Variants in PDCD7 observed in about 807,000 individuals in gnomAD.
The protein encoded by PDCD7 is programmed cell death 7.
A neutral mutation model predicts 42.1 loss-of-function variants in PDCD7; 40 were observed. The ratio of observed to expected loss-of-function variants is 0.95; its 90% CI spans 0.74 to 1.24. The LOEUF is 1.24. PDCD7 is among the 50% of genes most tolerant of loss of function. PDCD7 has a pLI of 0.00. For missense variants in PDCD7, 644 were observed against 662.8 expected (o/e 0.97, Z 0.31); for synonymous variants, 299 against 303.3 (o/e 0.99, Z 0.15).
intron 2 of PDCD7, among the ~76,000 whole-genome samples, chr15:65,125,983 A>G (rs548080830): frequency 6.6e-6 from 1 of 152,218 alleles, no homozygotes; most frequent in South Asian, 2.1e-4. Context: ...TAAATCCATC[A>G]GATCTCATGA....
At chr15:65,132,885 A>G in intron 1 of PDCD7, 27 bp downstream of exon 1, 1 of 1,599,518 alleles carries the variant, frequency 6.3e-7, no homozygotes, top group Non-Finnish European at 8.5e-7. Context: ...CACCACTCCT[A>G]CCCCCATGAG....
rs2087421300 is a variant in PDCD7 at position 65,118,003 on chromosome 15, TAAAAATAAC to T, written c.*705_*713del. 1 of 152,098 alleles carries T rather than the reference TAAAAATAAC, an allele frequency of 6.6e-6. No individual in the cohort carries two copies. Among genetic ancestry groups the T allele is most frequent in the Non-Finnish European group, 1.5e-5 (1 of 68,022 alleles). 9.4% of individuals were successfully genotyped at this position (152,098 alleles called of 1,614,324 possible). A position where few individuals can be genotyped will look rare whatever the true frequency, so the allele number is the denominator to read the frequency against. ...CTGAACAACTAGACCCTTAGAAACT[TAAAAATAAC>T]AGGTGCTTTCATTAGGATCCTTCTA... On this transcript the variant is annotated 3_prime_UTR_variant, in exon 5 of 5. Coordinates refer to ENST00000204549, the MANE Select transcript of PDCD7 (RefSeq NM_005707.2).
At chr15:65,120,703 G>A (rs575005216) in intron 2 of PDCD7, among the ~76,000 whole-genome samples, 20 of 151,826 alleles carry the variant, frequency 1.3e-4, no homozygotes, top group African/African-American at 4.1e-4. Flanking sequence ...GTGAGACTCC[G>A]TCTCCAAAAA....
chr15:65,133,181 C>T lies in PDCD7; in HGVS notation c.601G>A (p.Asp201Asn). Residue 201 changes from aspartate to asparagine, a missense_variant, in exon 1 of 5, where the codon GAC (aspartate) becomes AAC (asparagine). Physicochemically the swap from Asp to Asn is conservative, Grantham distance 23. Coordinates refer to ENST00000204549, the MANE Select transcript of PDCD7 (RefSeq NM_005707.2). ...TACAGCAGGACCCAGGCCGCGCCGTCGGCTTCGGCCTCGCGCAGGGCCTGG... is the reference window on the plus strand; with the variant it reads ...TACAGCAGGACCCAGGCCGCGCCGTTGGCTTCGGCCTCGCGCAGGGCCTGG... ...LSQALREAEA[D>N]GAAWVLLYSQ... 1 of 1,449,176 alleles carries T rather than the reference C, an allele frequency of 6.9e-7. No homozygotes were observed. The highest frequency in any genetic ancestry group is 1.4e-5 in the South Asian group (1 of 71,886). 89.8% of individuals were successfully genotyped at this position (1,449,176 alleles called of 1,614,324 possible). A position where few individuals can be genotyped will look rare whatever the true frequency, so the allele number is the denominator to read the frequency against.
rs886281618 is a variant in PDCD7 at position 65,130,154 on chromosome 15, CT to C, written c.871-985del. On this transcript the variant is annotated intron_variant, in intron 1 of 4. Coordinates refer to ENST00000204549, the MANE Select transcript of PDCD7 (RefSeq NM_005707.2). Reference sequence around the variant, plus strand: ...CCACTTCGCACCCGCCCCCAACCCTCTTTTTTTTTTTTTTTTTTTTTTTGAG... The same window carrying C: ...CCACTTCGCACCCGCCCCCAACCCTCTTTTTTTTTTTTTTTTTTTTTTGAG... Among the ~76,000 whole-genome samples the C allele has an allele frequency of 3.9e-3, 404 of 103,658 alleles. 1 individual carries two copies. The highest frequency in any genetic ancestry group is 0.012 in the East Asian group (44 of 3,788). 68.0% of individuals were successfully genotyped at this position (103,658 alleles called of 152,430 possible). A position where few individuals can be genotyped will look rare whatever the true frequency, so the allele number is the denominator to read the frequency against.
intron 1 of PDCD7, among the ~76,000 whole-genome samples, chr15:65,131,088 C>T (rs548205297): frequency 2.6e-5 from 4 of 152,126 alleles, no homozygotes; most frequent in African/African-American, 9.7e-5. Context: ...ATGAGGCAGG[C>T]GAGCAAGTGA....
chr15:65,123,057 T>C (rs2087469872), intron 2 of PDCD7, among the ~76,000 whole-genome samples: 1 of 152,170 alleles, frequency 6.6e-6, no homozygotes. Context: ...GTGAATACTT[T>C]CAAGACTAAC....
chr15:65,127,827 C>G (rs1286509221), intron 2 of PDCD7, among the ~76,000 whole-genome samples: 1 of 152,194 alleles, frequency 6.6e-6, no homozygotes, highest in African/African-American at 2.4e-5. Context: ...TTACTGAGCA[C>G]TCACCTCATA....
chr15:65,130,757 C>T (rs1363167588), intron 1 of PDCD7, among the ~76,000 whole-genome samples: 2 of 151,872 alleles, frequency 1.3e-5, no homozygotes, highest in African/African-American at 2.4e-5. Context: ...GCAGGAGAAT[C>T]GCTTGAACCT....
At chr15:65,132,091 CATAT>C (rs923512901) in intron 1 of PDCD7, among the ~76,000 whole-genome samples, 3 of 131,778 alleles carry the variant, frequency 2.3e-5, no homozygotes, top group Non-Finnish European at 3.2e-5. Context: ...TATACACATA[CATAT>C]ATGTATGTGT....
At chr15:65,120,813 G>A (rs1193685596) in intron 2 of PDCD7, among the ~76,000 whole-genome samples, 1 of 152,128 alleles carries the variant, frequency 6.6e-6, no homozygotes. Context: ...TTCCCAAAGT[G>A]AGCCACTGCA....
At chr15:65,130,946 T>G (rs952284719) in intron 1 of PDCD7, among the ~76,000 whole-genome samples, 1 of 152,128 alleles carries the variant, frequency 6.6e-6, no homozygotes, top group Non-Finnish European at 1.5e-5. Context: ...GCACCTATAG[T>G]TGAATTCCTA....
Position 65,133,449 on chromosome 15 carries a change from A to G in PDCD7, c.333T>C (p.Pro111=), listed in dbSNP as rs1039143853. The G allele has an allele frequency of 8.3e-7, 1 of 1,199,638 alleles. No individual in the cohort carries two copies. Among genetic ancestry groups the G allele is most frequent in the African/African-American group, 1.6e-5 (1 of 62,866 alleles). The allele number at this position is 1,199,638 out of a possible 1,614,324, so 74.3% of individuals were successfully genotyped here. A position where few individuals can be genotyped will look rare whatever the true frequency, so the allele number is the denominator to read the frequency against. The change falls in exon 1 of 5, where the codon CCT becomes CCC. Residue 111 remains proline (P), a synonymous_variant. Transcript: ENST00000204549. ...GGCTCCAGGGCGGCCCCGGGCCGGGAGGCGGTGGCCGCGGCCGCTCGCCGG... is the reference window on the plus strand; with the variant it reads ...GGCTCCAGGGCGGCCCCGGGCCGGGGGGCGGTGGCCGCGGCCGCTCGCCGG... The part of the protein sequence containing the change: ...TDAGERPRPP[P]PGPGPPWSPR...
At chr15:65,127,318 G>A (rs906930253) in intron 2 of PDCD7, among the ~76,000 whole-genome samples, 6 of 152,082 alleles carry the variant, frequency 3.9e-5, no homozygotes, top group South Asian at 2.1e-4. Flanking sequence ...TTAGCCGGGC[G>A]CGGTGGTGGG....
Position 65,133,601 on chromosome 15 carries a change from C to T in PDCD7, c.181G>A (p.Ala61Thr). Reference sequence around the variant, plus strand: ...TCCGCGGAGGCTCGGGGCTGCAGAGCCAGCGGAGGCTGAAGGAAGGGGGCG... The same window carrying T: ...TCCGCGGAGGCTCGGGGCTGCAGAGTCAGCGGAGGCTGAAGGAAGGGGGCG... ...ASAPFLQPPL[A>T]LQPRASAEAS... Residue 61 changes from alanine to threonine, a missense_variant, in exon 1 of 5, where the codon GCT becomes ACT. By Grantham distance (58) the Ala-to-Thr change is moderately conservative. Transcript: ENST00000204549. 8.1e-7 allele frequency: 1 copy of T among 1,237,982 alleles called. No individual in the cohort carries two copies. The highest frequency in any genetic ancestry group is 1.0e-6 in the Non-Finnish European group (1 of 990,162). 76.7% of individuals were successfully genotyped at this position (1,237,982 alleles called of 1,614,324 possible). A position where few individuals can be genotyped will look rare whatever the true frequency, so the allele number is the denominator to read the frequency against.
Position 65,133,538 on chromosome 15 carries a change from G to A in PDCD7, c.244C>T (p.Pro82Ser). The A allele has an allele frequency of 8.1e-7, 1 of 1,228,710 alleles. No individual in the cohort carries two copies. The highest frequency in any genetic ancestry group is 1.0e-6 in the Non-Finnish European group (1 of 986,036). The allele number at this position is 1,228,710 out of a possible 1,614,324, so 76.1% of individuals were successfully genotyped here. A position where few individuals can be genotyped will look rare whatever the true frequency, so the allele number is the denominator to read the frequency against. Residue 82 changes from proline to serine, a missense_variant, in exon 1 of 5, where the codon CCG becomes TCG. By Grantham distance (74) the Pro-to-Ser change is moderately conservative (BLOSUM62 -1). Transcript: ENST00000204549. ...RGGGGAGAFY[P>S]VPPPPLPPPP... ...GGAGGCAGCGGCGGTGGTGGCACCG[G>A]GTAGAAGGCGCCAGCGCCGCCTCCG...
intron 2 of PDCD7, among the ~76,000 whole-genome samples, chr15:65,127,426 C>T (rs940335606): frequency 3.4e-5 from 5 of 147,918 alleles, no homozygotes; most frequent in African/African-American, 7.5e-5. Context: ...CACTGCAGTC[C>T]GCAGTCCGGC....
At position 65,129,107 on chromosome 15, in the gene PDCD7, T is replaced by A; in HGVS notation, c.934A>T (p.Thr312Ser). The A allele has an allele frequency of 6.2e-7, 1 of 1,614,052 alleles. No individual in the cohort carries two copies. The highest frequency in any genetic ancestry group is 8.5e-7 in the Non-Finnish European group (1 of 1,179,910). ...CGTAGAATGTCCACCATTCTTTTGG[T>A]ATCTGCTTGTTTTTTCCTCACTTCA... The part of the protein sequence containing the change: ...LSEVRKKQAD[T>S]KRMVDILRAL... Residue 312 changes from threonine to serine, a missense_variant, in exon 2 of 5, where the codon ACC becomes TCC. Transcript: ENST00000204549.
At chr15:65,120,715 A>G (rs1285962531) in intron 2 of PDCD7, among the ~76,000 whole-genome samples, 1 of 152,108 alleles carries the variant, frequency 6.6e-6, no homozygotes, top group East Asian at 1.9e-4. Context: ...CTCCAAAAAA[A>G]AAGACCAAAA....
Sources: gnomAD v4.1 joint callset for allele counts (sites outside exome capture counted in the v4.1 genomes callset) on GRCh38, gnomAD v4.1.1 for gene constraint, MANE v1.5 for transcripts, NCBI Gene and HGNC (gene_info 2026-07-23, HGNC 2026-07-21) for gene names.